The following SMIM41 variants were observed in gnomAD, a reference collection of about 807,000 sequenced individuals.
The protein encoded by SMIM41 is small integral membrane protein 41.
intron 2 of SMIM41, chr12:52,091,977 A>G (rs1048830406): frequency 5.9e-5 from 9 of 152,380 alleles, no homozygotes; most frequent in African/African-American, 1.9e-4. Flanking sequence ...CAAGGCTGTC[A>G]ATTCTTTAAA....
chr12:52,108,236 C>T lies in SMIM41; in HGVS notation c.*1053C>T, dbSNP rs1446286341. The T allele has an allele frequency of 1.7e-5, 3 of 174,762 alleles. No individual in the cohort carries two copies. Among genetic ancestry groups the T allele is most frequent in the Admixed American group, 5.8e-5 (1 of 17,360 alleles). 10.8% of individuals were successfully genotyped at this position (174,762 alleles called of 1,614,324 possible). A position where few individuals can be genotyped will look rare whatever the true frequency, so the allele number is the denominator to read the frequency against. The stretch of plus-strand genomic sequence containing the variant: ...TGGGAAACAGGGATATTAAAAGTGT[C>T]TTGCGGCGGCCGCACGGCAGCACTG... On this transcript the variant is annotated 3_prime_UTR_variant, in exon 3 of 3. Coordinates refer to ENST00000546390, the MANE Select transcript of SMIM41 (RefSeq NM_001369216.1).
At chr12:52,104,069 T>A (rs1286421655) in intron 2 of SMIM41, 5 of 151,626 alleles carry the variant, frequency 3.3e-5, no homozygotes. Context: ...ATTTTTAATA[T>A]TTATATGTGG....
chr12:52,093,820 A>C (rs936313920), intron 2 of SMIM41, among the ~76,000 whole-genome samples: 3 of 152,164 alleles, frequency 2.0e-5, no homozygotes, highest in Non-Finnish European at 4.4e-5. Flanking sequence ...TCATTCAACA[A>C]AAGCAACCCT....
rs995991319 is a variant in SMIM41 at position 52,081,462 on chromosome 12, C to T, written c.*120+1281C>T. ...AGGATTTGGCACTAATCCTGGGCAG[C>T]GGCACCACACTGGCCTTGCTGAGCC... is the stretch of plus-strand genomic sequence containing the variant. On this transcript the variant is annotated intron_variant, in intron 1 of 2. Coordinates refer to ENST00000546390, the MANE Select transcript of SMIM41 (RefSeq NM_001369216.1). The surrounding 1 kb of genome is among the most constrained non-coding windows in gnomAD (Gnocchi z 4.1). 7.2e-5 allele frequency among the ~76,000 whole-genome samples: 11 copies of T among 152,206 alleles called. No homozygotes were observed. The highest frequency in any genetic ancestry group is 1.2e-4 in the Non-Finnish European group (8 of 67,984).
intron 2 of SMIM41, among the ~76,000 whole-genome samples, chr12:52,087,859 T>C (rs550602768): frequency 2.6e-5 from 4 of 152,230 alleles, no homozygotes; most frequent in Admixed American, 6.5e-5. Context: ...ATCTCCAGTC[T>C]CTCCTTGAGA....
chr12:52,097,419 A>AC (rs1346046197), intron 2 of SMIM41, among the ~76,000 whole-genome samples: 1 of 149,476 alleles, frequency 6.7e-6, no homozygotes, highest in Non-Finnish European at 1.5e-5. Context: ...AGTAATACCT[A>AC]CCCCCCTTCC....
At chr12:52,086,048 G>A (rs1939887297) in intron 2 of SMIM41, among the ~76,000 whole-genome samples, 1 of 152,210 alleles carries the variant, frequency 6.6e-6, no homozygotes, top group Non-Finnish European at 1.5e-5. Flanking sequence ...AGAATGAGGC[G>A]AGAAGGCAGG....
At chr12:52,083,687 T>TG (rs1411167797) in intron 1 of SMIM41, among the ~76,000 whole-genome samples, 3 of 152,238 alleles carry the variant, frequency 2.0e-5, no homozygotes, top group Non-Finnish European at 4.4e-5. Flanking sequence ...GGCTTTGAGA[T>TG]GGGAGTGGGT....
intron 1 of SMIM41, among the ~76,000 whole-genome samples, chr12:52,083,325 G>T (rs552016591): frequency 6.6e-6 from 1 of 152,268 alleles, no homozygotes; most frequent in Non-Finnish European, 1.5e-5. Context: ...ATGCTGCATC[G>T]CTTTCTGTGG....
intron 2 of SMIM41, among the ~76,000 whole-genome samples, chr12:52,100,000 A>G (rs1021942226): frequency 1.3e-5 from 2 of 151,970 alleles, no homozygotes; most frequent in Non-Finnish European, 2.9e-5. Context: ...GGGAGTAATG[A>G]CATCCTCCCC....
chr12:52,105,659 A>G (rs1825222297), intron 2 of SMIM41, among the ~76,000 whole-genome samples: 1 of 152,126 alleles, frequency 6.6e-6, no homozygotes, highest in Admixed American at 6.6e-5. Flanking sequence ...AGGCTGAGGC[A>G]GGAGAATAGC....
At chr12:52,098,416 A>G (rs1230870858) in intron 2 of SMIM41, among the ~76,000 whole-genome samples, 1 of 150,990 alleles carries the variant, frequency 6.6e-6, no homozygotes, top group Admixed American at 6.6e-5. Flanking sequence ...TCCCCCCTGG[A>G]TATTAGAAAC....
At chr12:52,087,197 C>T (rs1482382977) in intron 2 of SMIM41, among the ~76,000 whole-genome samples, 3 of 152,242 alleles carry the variant, frequency 2.0e-5, no homozygotes, top group Non-Finnish European at 4.4e-5. Context: ...GCCTCTGCAG[C>T]CCCTCCACCC....
In SMIM41 at chr12:52,107,810, T is replaced by G. The variant is rs1940372390; in HGVS notation, c.*627T>G. On this transcript the variant is annotated 3_prime_UTR_variant, in exon 3 of 3. Coordinates refer to ENST00000546390, the MANE Select transcript of SMIM41 (RefSeq NM_001369216.1). ...TTTCTCAGTCTTTTAGACTCCCAGCTGTACAACTTGATTGCCTTACTAATG... is the reference window on the plus strand; with the variant it reads ...TTTCTCAGTCTTTTAGACTCCCAGCGGTACAACTTGATTGCCTTACTAATG... 2.7e-6 allele frequency: 1 copy of G among 367,862 alleles called. No homozygotes were observed. Among genetic ancestry groups the G allele is most frequent in the Non-Finnish European group, 5.3e-6 (1 of 189,642 alleles). The allele number at this position is 367,862 out of a possible 1,614,324, so 22.8% of individuals were successfully genotyped here.
intron 2 of SMIM41, among the ~76,000 whole-genome samples, chr12:52,103,354 A>C (rs542497336): frequency 7.0e-6 from 1 of 143,348 alleles, no homozygotes; most frequent in African/African-American, 2.7e-5. Context: ...AATAAAATAA[A>C]ACCAAAAAAA....
At chr12:52,098,457 G>A (rs1251216805) in intron 2 of SMIM41, among the ~76,000 whole-genome samples, 5 of 151,690 alleles carry the variant, frequency 3.3e-5, no homozygotes, top group Admixed American at 1.3e-4. Flanking sequence ...CAACCCCTGC[G>A]ATATTTGGAG....
intron 2 of SMIM41, among the ~76,000 whole-genome samples, chr12:52,088,943 C>A (rs550632399): frequency 6.6e-6 from 1 of 152,122 alleles, no homozygotes; most frequent in African/African-American, 2.4e-5. Context: ...ACCCCTCTGC[C>A]AGGCACCGAG....
intron 2 of SMIM41, among the ~76,000 whole-genome samples, chr12:52,093,113 G>A (rs569157520): frequency 5.3e-5 from 8 of 152,234 alleles, no homozygotes; most frequent in African/African-American, 1.7e-4. Context: ...CAGGAGAATC[G>A]CTTGAACCCG....
rs140074132 is a variant in SMIM41, at chr12:52,098,098, C to A, written c.*196-9281C>A. Among the ~76,000 whole-genome samples the A allele has an allele frequency of 1.2e-3, 181 of 152,222 alleles. 3 individuals are homozygous for A. In the East Asian group the frequency reaches 0.032, roughly 27 times the overall value. On this transcript the variant is annotated intron_variant, in intron 2 of 2. Transcript: ENST00000546390. ...CCTGTCGCGAAATTCAATGGAATGT[C>A]ATCCTGTGCCTCCCTGGATATGACG...
Sources: gnomAD v4.1 joint callset for allele counts (sites outside exome capture counted in the v4.1 genomes callset) on GRCh38, gnomAD v4.1.1 for gene constraint, Gnocchi (gnomAD v3.1) non-coding constraint, MANE v1.5 for transcripts, NCBI Gene and HGNC (gene_info 2026-07-23, HGNC 2026-07-21) for gene names.